Variants in TP73 observed in about 807,000 individuals in gnomAD.
The protein encoded by TP73 is p53-like transcription factor.
TP73 carries 25 observed loss-of-function variants against 62.5 expected under a neutral mutation model. The ratio of observed to expected loss-of-function variants is 0.40; its 90% CI spans 0.29 to 0.56. TP73 has a LOEUF of 0.56. Ranked by LOEUF, TP73 falls within the 20% of genes least tolerant of loss-of-function variation. The pLI, the probability that TP73 is intolerant of heterozygous loss-of-function variation, is 0.46. For missense variants in TP73, 754 were observed against 913.3 expected (o/e 0.83, Z 2.25); for synonymous variants, 423 against 377.5 (o/e 1.12, Z -1.40).
At position 3,707,572 on chromosome 1, in the gene TP73, C is replaced by T; in HGVS notation, c.210C>T (p.Ser70=). 6.2e-7 allele frequency: 1 copy of T among 1,611,936 alleles called. No homozygotes were observed. Among genetic ancestry groups the T allele is most frequent in the South Asian group, 1.1e-5 (1 of 90,994 alleles). ...AGGCCCAGTTCAATCTGCTGAGCAG[C>T]ACCATGGACCAGATGAGCAGCCGCG... ...SVMAQFNLLS[S]TMDQMSSRAA... Residue 70 remains serine (S), a synonymous_variant, in exon 4 of 14, where the codon AGC becomes AGT. Transcript: ENST00000378295.
intron 2 of TP73, 31 bp downstream of exon 2, chr1:3,682,461 G>T (rs533040916): frequency 1.4e-6 from 2 of 1,456,506 alleles, no homozygotes; most frequent in African/African-American, 2.8e-5. Flanking sequence ...AGAGCTGGGG[G>T]CCCCCCTGGG....
chr1:3,691,429 GAC>G (rs1645825876), intron 3 of TP73, among the ~76,000 whole-genome samples: 1 of 152,146 alleles, frequency 6.6e-6, no homozygotes, highest in South Asian at 2.1e-4. Flanking sequence ...AGCAGTGGCA[GAC>G]GGTGCTTCTT....
Position 3,682,430 on chromosome 1 carries a change from T to C in TP73, c.65T>C (p.Leu22Pro), listed in dbSNP as rs1226457525. 1.3e-6 allele frequency: 2 copies of C among 1,529,838 alleles called. No homozygotes were observed. The highest frequency in any genetic ancestry group is 1.4e-5 in the African/African-American group (1 of 72,736). 94.8% of individuals were successfully genotyped at this position (1,529,838 alleles called of 1,614,324 possible). A position where few individuals can be genotyped will look rare whatever the true frequency, so the allele number is the denominator to read the frequency against. ...ACGTTTGAGCACCTCTGGAGCTCTC[T>C]GTGAGTGCGCTTGGCTGGCCAGAGC... ...GTTFEHLWSS[L>P]EPDSTYFDLP... Residue 22 changes from leucine to proline, a missense_variant and splice_region_variant, in exon 2 of 14, where the codon CTG (leucine) becomes CCG (proline). Physicochemically the swap from Leu to Pro is moderately conservative, Grantham distance 98 (BLOSUM62 -3). This residue lies in a region of TP73 where 235 missense variants were observed against 251.4 expected (regional missense o/e 0.93). Coordinates refer to ENST00000378295, the MANE Select transcript of TP73 (RefSeq NM_005427.4).
intron 5 of TP73, 66 bp from the exon 6 acceptor site, chr1:3,723,288 C>T: frequency 7.3e-7 from 1 of 1,370,636 alleles, no homozygotes; most frequent in East Asian, 2.4e-5. Flanking sequence ...CTGGGCACCT[C>T]TCTGCACCTA....
chr1:3,697,655 G>A (rs1200667926), intron 3 of TP73, among the ~76,000 whole-genome samples: 1 of 152,238 alleles, frequency 6.6e-6, no homozygotes, highest in East Asian at 1.9e-4. Context: ...CTGCACCTGG[G>A]AGGGTGCTAG....
At chr1:3,725,030 A>G (rs1412042488) in intron 6 of TP73, among the ~76,000 whole-genome samples, 1 of 152,160 alleles carries the variant, frequency 6.6e-6, no homozygotes, top group African/African-American at 2.4e-5. Context: ...AAAAAAAAAA[A>G]AAGAGTTTTG....
At chr1:3,721,836 C>T (rs1171691330) in intron 4 of TP73, among the ~76,000 whole-genome samples, 185 bp from the exon 5 acceptor site, 1 of 152,198 alleles carries the variant, frequency 6.6e-6, no homozygotes, top group African/African-American at 2.4e-5. Context: ...GCAGCTGTGC[C>T]TGGATTCACG....
In TP73 at chr1:3,663,586, G is replaced by A. The variant is rs1645044528; in HGVS notation, c.-34+10945G>A. On this transcript the variant is annotated intron_variant, in intron 1 of 13. Transcript: ENST00000378295. The surrounding 1 kb of genome is among the most constrained non-coding windows in gnomAD (Gnocchi z 4.7). Reference sequence around the variant, plus strand: ...AAAAAATTAGCCAGGCGTGGTGGCGGGCGCCTGTAGTCCCAGCTACTCGGG... The same window carrying A: ...AAAAAATTAGCCAGGCGTGGTGGCGAGCGCCTGTAGTCCCAGCTACTCGGG... Among the ~76,000 whole-genome samples the A allele has an allele frequency of 6.6e-6, 1 of 152,084 alleles. No homozygotes were observed. Among genetic ancestry groups the A allele is most frequent in the East Asian group, 1.9e-4 (1 of 5,162 alleles).
In TP73 at chr1:3,693,888, C is replaced by T. The variant is rs1299088022; in HGVS notation, c.186+10708C>T. 1.1e-4 allele frequency among the ~76,000 whole-genome samples: 4 copies of T among 36,286 alleles called. 1 individual carries two copies. Among genetic ancestry groups the T allele is most frequent in the Non-Finnish European group, 8.9e-5 (1 of 11,256 alleles). The allele number at this position is 36,286 out of a possible 152,430, so 23.8% of individuals were successfully genotyped here. ...ACAATCCCACCCATGCAGCCTCCGC[C>T]CCTCCTCCCGCAATCCCAGCCCTGC... is the stretch of plus-strand genomic sequence containing the variant. On this transcript the variant is annotated intron_variant, in intron 3 of 13. Coordinates refer to ENST00000378295, the MANE Select transcript of TP73 (RefSeq NM_005427.4).
rs184301291 is a variant in TP73, at chr1:3,655,993, C to T, written c.-34+3352C>T. On this transcript the variant is annotated intron_variant, in intron 1 of 13. Coordinates refer to ENST00000378295, the MANE Select transcript of TP73 (RefSeq NM_005427.4). ...GAGATCAAGACCATCCTGGCTAACA[C>T]GGTGAAACCCCGTCTCTACTAAAAA... Among the ~76,000 whole-genome samples the T allele has an allele frequency of 3.7e-3, 562 of 152,114 alleles. 4 individuals carry two copies. Among genetic ancestry groups the T allele is most frequent in the African/African-American group, 0.013 (532 of 41,498 alleles).
intron 3 of TP73, among the ~76,000 whole-genome samples, chr1:3,691,316 T>C (rs1259921235): frequency 6.6e-6 from 1 of 152,170 alleles, no homozygotes; most frequent in East Asian, 1.9e-4. Flanking sequence ...TGCCCTGCCC[T>C]GCCCCAGCTG....
At chr1:3,717,992 C>G (rs1640744823) in intron 4 of TP73, among the ~76,000 whole-genome samples, 1 of 152,198 alleles carries the variant, frequency 6.6e-6, no homozygotes, top group South Asian at 2.1e-4. Context: ...CCTTACTGGC[C>G]AGAGGGGAGG....
At chr1:3,691,965 G>T (rs1238620871) in intron 3 of TP73, among the ~76,000 whole-genome samples, 1 of 152,124 alleles carries the variant, frequency 6.6e-6, no homozygotes, top group Non-Finnish European at 1.5e-5. Context: ...TGTGCATGTG[G>T]CGGGTGGGTA....
intron 1 of TP73, chr1:3,659,235 G>T (rs1644936523): frequency 6.6e-6 from 1 of 152,174 alleles, no homozygotes; most frequent in South Asian, 2.1e-4. Flanking sequence ...GAGCCTGGGG[G>T]CCGTGGCGGG....
chr1:3,660,998 A>G (rs12117522), intron 1 of TP73, among the ~76,000 whole-genome samples: 26,086 of 152,214 alleles, frequency 0.17, 2,384 homozygotes, highest in Admixed American at 0.24. Context: ...TTATATGAAT[A>G]TATATCCATG....
At chr1:3,689,740 C>T (rs1326512407) in intron 3 of TP73, among the ~76,000 whole-genome samples, 3 of 152,164 alleles carry the variant, frequency 2.0e-5, no homozygotes, top group Non-Finnish European at 4.4e-5. Context: ...GAAAGGGTCT[C>T]CGCATGGATT....
rs774158460 is a variant in TP73, at chr1:3,653,134, C to G, written c.-34+493C>G. On this transcript the variant is annotated intron_variant, in intron 1 of 13. Coordinates refer to ENST00000378295, the MANE Select transcript of TP73 (RefSeq NM_005427.4). ...CCCTGAGGAGCCAGGGCCAGGCCCC[C>G]CTCTGGACAGGGAGAAGGATCTGGG... Among the ~76,000 whole-genome samples, 10 of 152,354 alleles carry G rather than the reference C, an allele frequency of 6.6e-5. No homozygotes were observed. In the East Asian group the frequency reaches 7.7e-4, roughly 12 times the overall value.
Position 3,666,165 on chromosome 1 carries a change from A to T in TP73, c.-34+13524A>T, listed in dbSNP as rs1395404581. ...AAAAAAAAAAAAGAGAGAGAGAGAG[A>T]GAGAATCTCACTCTGCAGCCTAGGC... On this transcript the variant is annotated intron_variant, in intron 1 of 13. Transcript: ENST00000378295. The surrounding 1 kb of genome is among the most constrained non-coding windows in gnomAD (Gnocchi z 6.4). 1.4e-5 allele frequency among the ~76,000 whole-genome samples: 2 copies of T among 141,618 alleles called. No individual in the cohort carries two copies. The highest frequency in any genetic ancestry group is 1.5e-5 in the Non-Finnish European group (1 of 65,400). 92.9% of individuals were successfully genotyped at this position (141,618 alleles called of 152,430 possible). A position where few individuals can be genotyped will look rare whatever the true frequency, so the allele number is the denominator to read the frequency against.
At chr1:3,690,893 C>T in intron 3 of TP73, 1 of 1,572,444 alleles carries the variant, frequency 6.4e-7, no homozygotes, top group Non-Finnish European at 8.6e-7. Flanking sequence ...GTGCAGACCC[C>T]CCGGCGCCTA....
Sources: gnomAD v4.1 joint callset for allele counts (sites outside exome capture counted in the v4.1 genomes callset) on GRCh38, gnomAD v4.1.1 for gene constraint, gnomAD v4.1.1 regional missense constraint, Gnocchi (gnomAD v3.1) non-coding constraint, MANE v1.5 for transcripts, NCBI Gene and HGNC (gene_info 2026-07-23, HGNC 2026-07-21) for gene names.